LMO7: variants seen among roughly 807,000 people sequenced by gnomAD.
LMO7 encodes the protein LIM domain 7.
LMO7 carries 120 observed loss-of-function variants against 206.5 expected under a neutral mutation model. The observed-to-expected ratio is 0.58, with a 90% confidence interval of 0.50 to 0.68. The LOEUF is 0.68. Ranked by LOEUF, LMO7 falls within the 30% of genes least tolerant of loss-of-function variation. LMO7 has a pLI of 0.00. For synonymous variants in LMO7, 706 were observed against 681.5 expected (o/e 1.04, Z -0.56); for missense variants, 1,959 against 1,957.9 (o/e 1.00, Z -0.01).
At chr13:75,789,973 A>T (rs988601030) in intron 4 of LMO7, among the ~76,000 whole-genome samples, 1 of 152,100 alleles carries the variant, frequency 6.6e-6, no homozygotes, top group African/African-American at 2.4e-5. Flanking sequence ...TAAACCAAGG[A>T]TGTGTGGGGA....
chr13:75,787,520 T>C (rs2052624941), intron 4 of LMO7, among the ~76,000 whole-genome samples: 1 of 152,246 alleles, frequency 6.6e-6, no homozygotes, highest in Non-Finnish European at 1.5e-5. Context: ...AGGGTACTTA[T>C]TCACTTATCA....
At chr13:75,843,948 T>C (rs1215757225) in intron 25 of LMO7, among the ~76,000 whole-genome samples, 2 of 152,162 alleles carry the variant, frequency 1.3e-5, no homozygotes, top group Non-Finnish European at 1.5e-5. Context: ...GACAATAAGC[T>C]AAAGAAAAAT....
intron 1 of LMO7, among the ~76,000 whole-genome samples, chr13:75,673,991 G>T (rs1244589260): frequency 6.6e-6 from 1 of 151,976 alleles, no homozygotes; most frequent in Non-Finnish European, 1.5e-5. Context: ...TTAAATCATA[G>T]TTCTAGTTTC....
chr13:75,771,672 T>C (rs990053536), intron 4 of LMO7, among the ~76,000 whole-genome samples: 1 of 66,496 alleles, frequency 1.5e-5, no homozygotes, highest in Non-Finnish European at 3.1e-5. Flanking sequence ...CAAACTAAAC[T>C]GTGTCTCTCT....
At chr13:75,681,706 G>GTGTATATATATGTA (rs1259746833) in intron 1 of LMO7, among the ~76,000 whole-genome samples, 1 of 93,312 alleles carries the variant, frequency 1.1e-5, no homozygotes, top group Non-Finnish European at 2.2e-5. Flanking sequence ...GTATGTATGT[G>GTGTATATATATGTA]TATATATATA....
At chr13:75,637,734 G>T (rs1166821796) in intron 1 of LMO7, among the ~76,000 whole-genome samples, 1 of 152,202 alleles carries the variant, frequency 6.6e-6, no homozygotes, top group South Asian at 2.1e-4. Flanking sequence ...TGAAAATAAT[G>T]TATTTTTCCT....
At chr13:75,790,094 C>A (rs915433654) in intron 4 of LMO7, among the ~76,000 whole-genome samples, 6 of 152,112 alleles carry the variant, frequency 3.9e-5, no homozygotes, top group African/African-American at 1.4e-4. Flanking sequence ...TTCTTTAAAG[C>A]CTTCCATGGC....
chr13:75,848,560 A>T (rs555808091), intron 26 of LMO7, among the ~76,000 whole-genome samples: 15 of 152,170 alleles, frequency 9.9e-5, no homozygotes, highest in African/African-American at 2.9e-4. Context: ...TGCTATAAAC[A>T]TGAGTGAGCA....
intron 1 of LMO7, among the ~76,000 whole-genome samples, chr13:75,653,496 G>T (rs1322527323): frequency 6.6e-6 from 1 of 152,226 alleles, no homozygotes; most frequent in Non-Finnish European, 1.5e-5. Context: ...CCAAGACAGT[G>T]CCTGGAGCCT....
intron 4 of LMO7, among the ~76,000 whole-genome samples, chr13:75,767,665 GTTTA>G (rs1337017334): frequency 6.6e-6 from 1 of 152,008 alleles, no homozygotes; most frequent in Non-Finnish European, 1.5e-5. Flanking sequence ...TTTCTTCACA[GTTTA>G]TTTGAGATGT....
Position 75,807,968 on chromosome 13 carries a change from A to G in LMO7, c.1685A>G (p.Glu562Gly). The change falls in exon 10 of 31, where the codon GAA becomes GGA. Residue 562 changes from glutamate (E) to glycine (G), a missense_variant. Transcript: ENST00000377534. Reference sequence around the variant, plus strand: ...CAAGCAAAATTTCTCTGTGTACTTGAAAGGACATGCCCATCCAAAGAAAAA... The same window carrying G: ...CAAGCAAAATTTCTCTGTGTACTTGGAAGGACATGCCCATCCAAAGAAAAA... The part of the protein sequence containing the change: ...EIQAKFLCVL[E>G]RTCPSKEKSN... 1 of 1,613,960 alleles carries G rather than the reference A, an allele frequency of 6.2e-7. No homozygotes were observed. Among genetic ancestry groups the G allele is most frequent in the Non-Finnish European group, 8.5e-7 (1 of 1,179,868 alleles).
intron 1 of LMO7, among the ~76,000 whole-genome samples, chr13:75,694,091 A>C (rs1348127013): frequency 1.3e-5 from 2 of 152,232 alleles, no homozygotes; most frequent in Non-Finnish European, 2.9e-5. Context: ...GATGTGTAAA[A>C]TCTTTATGGA....
intron 8 of LMO7, chr13:75,804,985 A>G (rs913028258): frequency 3.0e-6 from 3 of 998,404 alleles, no homozygotes; most frequent in Admixed American, 1.1e-4. Flanking sequence ...GACTCTGAGG[A>G]TGAACGAAGG....
intron 1 of LMO7, among the ~76,000 whole-genome samples, chr13:75,663,180 A>G (rs1394032890): frequency 1.3e-5 from 2 of 151,572 alleles, no homozygotes; most frequent in African/African-American, 2.4e-5. Context: ...AAACTTATGT[A>G]TATATTCTTT....
intron 1 of LMO7, among the ~76,000 whole-genome samples, chr13:75,707,318 C>T (rs1163966117): frequency 6.6e-6 from 1 of 151,800 alleles, no homozygotes; most frequent in African/African-American, 2.4e-5. Context: ...ATTATACTCC[C>T]AATTTTTCAT....
intron 4 of LMO7, among the ~76,000 whole-genome samples, chr13:75,792,424 C>A (rs542636309): frequency 8.5e-5 from 13 of 152,262 alleles, no homozygotes; most frequent in African/African-American, 3.1e-4. Context: ...GACTCCAAAG[C>A]GCAGGCACTT....
intron 26 of LMO7, among the ~76,000 whole-genome samples, chr13:75,846,570 G>A (rs1209814401): frequency 2.0e-5 from 3 of 152,020 alleles, no homozygotes; most frequent in East Asian, 1.9e-4. Flanking sequence ...AACCTGCAGC[G>A]ATTATATTAT....
intron 2 of LMO7, among the ~76,000 whole-genome samples, chr13:75,720,277 T>A (rs183495215): frequency 1.9e-4 from 29 of 152,322 alleles, no homozygotes; most frequent in African/African-American, 6.7e-4. Flanking sequence ...TCTCAGTCTG[T>A]GGCTTGTCTT....
At chr13:75,623,320 G>A in exon 2 of LMO7, 4 of 1,400,484 alleles carry the variant, frequency 2.9e-6, no homozygotes, top group Non-Finnish European at 4.0e-6. Flanking sequence ...TTCTCATTAA[G>A]GTAATATTTT....
Sources: gnomAD v4.1 joint callset for allele counts (sites outside exome capture counted in the v4.1 genomes callset) on GRCh38, gnomAD v4.1.1 for gene constraint, MANE v1.5 for transcripts, NCBI Gene and HGNC (gene_info 2026-07-23, HGNC 2026-07-21) for gene names.